The following USP28 variants were observed in gnomAD, a reference collection of about 807,000 sequenced individuals.
USP28 encodes the protein ubiquitin carboxyl-terminal hydrolase 28.
In USP28, 113 loss-of-function variants were observed where a neutral mutation model predicts 145.0. The observed-to-expected ratio is 0.78, with a 90% CI of 0.67 to 0.91. USP28 has a LOEUF of 0.91. Among genes scored for constraint, USP28 ranks in the 40% least tolerant of loss-of-function variants. The pLI is 0.00. For missense variants in USP28, 1,201 were observed against 1,289.6 expected (o/e 0.93, Z 1.05); for synonymous variants, 447 against 450.9 (o/e 0.99, Z 0.11).
chr11:113,800,177 T>C (rs1938709996), intron 24 of USP28, among the ~76,000 whole-genome samples: 1 of 152,030 alleles, frequency 6.6e-6, no homozygotes, highest in African/African-American at 2.4e-5. Flanking sequence ...GGCTAATTTT[T>C]TGTATTTTTA....
At position 113,812,266 on chromosome 11, in the gene USP28, A is replaced by G. The variant is rs762687533; in HGVS notation, c.1972+10T>C. 1 of 1,608,060 alleles carries G rather than the reference A, an allele frequency of 6.2e-7. No homozygotes were observed. Among genetic ancestry groups the G allele is most frequent in the Admixed American group, 1.7e-5 (1 of 59,880 alleles). ...TCCCCAATCTATAGATTCTGCCAAG[A>G]TACTTTTACCTGCATTGAAGTAGGG... On this transcript the variant is annotated intron_variant, in intron 16 of 24. Transcript: ENST00000003302.
chr11:113,813,348 T>C (rs1482840071), intron 15 of USP28, among the ~76,000 whole-genome samples: 1 of 152,182 alleles, frequency 6.6e-6, no homozygotes, highest in Non-Finnish European at 1.5e-5. Context: ...TCCATGCCCC[T>C]AACCAGAATA....
chr11:113,813,991 A>G (rs1303323004), intron 14 of USP28, 36 bp from the exon 15 acceptor site: 1 of 1,504,024 alleles, frequency 6.6e-7, no homozygotes, highest in East Asian at 2.3e-5. Flanking sequence ...CTTCACTAAA[A>G]TGATCTCATT....
At chr11:113,826,574 T>C (rs1943362939) in intron 11 of USP28, among the ~76,000 whole-genome samples, 1 of 151,772 alleles carries the variant, frequency 6.6e-6, no homozygotes, top group Non-Finnish European at 1.5e-5. Context: ...CCCAAAGTGC[T>C]AGGATTACAG....
rs976869227 is a variant in USP28, at chr11:113,854,153, C to T, written c.135+105G>A. 10 of 1,008,140 alleles carry T rather than the reference C, an allele frequency of 9.9e-6. No homozygotes were observed. In the African/African-American group the frequency reaches 1.5e-4, roughly 15 times the overall value. The allele number at this position is 1,008,140 out of a possible 1,614,324, so 62.4% of individuals were successfully genotyped here. A position where few individuals can be genotyped will look rare whatever the true frequency, so the allele number is the denominator to read the frequency against. On this transcript the variant is annotated intron_variant, in intron 2 of 24. Transcript: ENST00000003302. Reference sequence around the variant, plus strand: ...TCATTTGACCTGTAGAGCTTCTGTCCCTATATGTGCTTTAATTTGGGAATA... The same window carrying T: ...TCATTTGACCTGTAGAGCTTCTGTCTCTATATGTGCTTTAATTTGGGAATA...
chr11:113,848,443 G>A (rs971258847), intron 3 of USP28, among the ~76,000 whole-genome samples: 1 of 152,164 alleles, frequency 6.6e-6, no homozygotes, highest in Non-Finnish European at 1.5e-5. Flanking sequence ...ATCCCTTGCT[G>A]GGGACCCAAA....
intron 5 of USP28, among the ~76,000 whole-genome samples, chr11:113,840,207 TCTC>T (rs1945044597): frequency 6.6e-6 from 1 of 152,208 alleles, no homozygotes; most frequent in African/African-American, 2.4e-5. Context: ...GTAGATTTGA[TCTC>T]CTCAGCGCCT....
chr11:113,835,358 T>C (rs1944450218), intron 5 of USP28: 1 of 455,606 alleles, frequency 2.2e-6, no homozygotes, highest in African/African-American at 2.0e-5. Context: ...ACTTTGGAAT[T>C]AGAACTAAAT....
intron 18 of USP28, 55 bp from the exon 20 acceptor site, chr11:113,806,639 G>T: frequency 7.7e-7 from 1 of 1,303,976 alleles, no homozygotes. Context: ...AGGTTCAGCA[G>T]AAGACTGTAT....
At chr11:113,849,767 C>T (rs554219370) in intron 3 of USP28, among the ~76,000 whole-genome samples, 11 of 152,212 alleles carry the variant, frequency 7.2e-5, no homozygotes, top group African/African-American at 2.6e-4. Flanking sequence ...AAGATAGTGC[C>T]GACAGCTATG....
rs550848418 is a variant in USP28, at chr11:113,842,356, C to A, written c.269-588G>T. Among the ~76,000 whole-genome samples, 4 of 151,792 alleles carry A rather than the reference C, an allele frequency of 2.6e-5. No homozygotes were observed. In the South Asian group the frequency reaches 6.3e-4, roughly 24 times the overall value. ...ATCCCAGCACTTTGGGAGGCCGAGG[C>A]GGGCGGATCACGAGGTCAAGAGATC... On this transcript the variant is annotated intron_variant, in intron 3 of 24. Transcript: ENST00000003302.
At chr11:113,827,682 G>A (rs17116041) in intron 10 of USP28, among the ~76,000 whole-genome samples, 1,989 of 152,180 alleles carry the variant, frequency 0.013, 50 homozygotes, top group African/African-American at 0.046. Context: ...TAACTCATTC[G>A]TTACATCATC....
Position 113,839,686 on chromosome 11 carries a change from C to T in USP28, c.534+912G>A, listed in dbSNP as rs374124359. On this transcript the variant is annotated intron_variant, in intron 5 of 24. Transcript: ENST00000003302. The stretch of plus-strand genomic sequence containing the variant: ...GGCGGAACACCTGAGGTCAGGAGTT[C>T]GAGACCAACCTGGCCAACATGGCGA... 4.0e-4 allele frequency among the ~76,000 whole-genome samples: 61 copies of T among 152,198 alleles called. No homozygotes were observed. In the East Asian group the frequency reaches 9.5e-3, roughly 24 times the overall value.
At chr11:113,813,342 T>C (rs1197630702) in intron 15 of USP28, among the ~76,000 whole-genome samples, 6 of 152,200 alleles carry the variant, frequency 3.9e-5, no homozygotes, top group Admixed American at 6.5e-5. Context: ...TGAAAGTCCA[T>C]GCCCCTAACC....
At chr11:113,821,420 G>T in intron 12 of USP28, 1 of 226,580 alleles carries the variant, frequency 4.4e-6, no homozygotes. Flanking sequence ...CATTTATTCT[G>T]AGTGAGCTTG....
exon 2 of USP28, chr11:113,854,277 AAGG>A (rs1946799368): frequency 1.2e-6 from 2 of 1,613,908 alleles, no homozygotes; most frequent in Non-Finnish European, 1.7e-6. Context: ...TTCATGGAGA[AAGG>A]AAGGGTCCTG....
At chr11:113,823,789 T>C (rs1471788481) in intron 11 of USP28, 89 bp from the exon 12 acceptor site, 12 of 1,069,868 alleles carry the variant, frequency 1.1e-5, no homozygotes, top group African/African-American at 3.3e-5. Context: ...GGAAACTTCT[T>C]CAATCAGATA....
chr11:113,815,355 A>T (rs138321937), exon 14 of USP28: 4 of 1,614,072 alleles, frequency 2.5e-6, no homozygotes, highest in Non-Finnish European at 2.5e-6. Flanking sequence ...TACTTTCAAC[A>T]TCCTGAGAAG....
chr11:113,838,798 C>T (rs1335685624), intron 5 of USP28, among the ~76,000 whole-genome samples: 2 of 152,222 alleles, frequency 1.3e-5, no homozygotes, highest in Non-Finnish European at 2.9e-5. Flanking sequence ...AGAGTACGGG[C>T]TTTGTTTTAG....
Sources: gnomAD v4.1 joint callset for allele counts (sites outside exome capture counted in the v4.1 genomes callset) on GRCh38, gnomAD v4.1.1 for gene constraint, MANE v1.5 for transcripts, NCBI Gene and HGNC (gene_info 2026-07-23, HGNC 2026-07-21) for gene names.